PTPRT: variants seen among roughly 807,000 people sequenced by gnomAD.
PTPRT encodes the protein protein tyrosine phosphatase receptor type T, also known as receptor-type tyrosine-protein phosphatase T.
A neutral mutation model predicts 176.8 loss-of-function variants in PTPRT; 56 were observed. The ratio of observed to expected loss-of-function variants is 0.32; its 90% CI spans 0.26 to 0.40. The LOEUF (loss-of-function observed/expected upper bound fraction) is 0.40, where lower values mean the gene tolerates loss of function less well. Ranked by LOEUF, PTPRT falls within the 10% of genes least tolerant of loss-of-function variation. The pLI is 1.00. For missense variants in PTPRT, 1,540 were observed against 1,908.2 expected, an observed-to-expected ratio of 0.81 and a Z score of 3.60; for synonymous variants, 783 against 739.0, an observed-to-expected ratio of 1.06 and a Z score of -0.96.
At chr20:42,915,080 C>T (rs1033490547) in intron 1 of PTPRT, among the ~76,000 whole-genome samples, 4 of 152,008 alleles carry the variant, frequency 2.6e-5, no homozygotes, top group African/African-American at 4.8e-5. Flanking sequence ...AGGAAGCAGT[C>T]CCAACTTTGG....
chr20:42,177,054 T>C (rs925994766), intron 16 of PTPRT, among the ~76,000 whole-genome samples: 23 of 152,380 alleles, frequency 1.5e-4, no homozygotes, highest in Admixed American at 1.2e-3. Context: ...TAAATTATCT[T>C]GCACAATTAC....
At chr20:42,443,519 G>T (rs1297942694) in intron 9 of PTPRT, among the ~76,000 whole-genome samples, 1 of 152,244 alleles carries the variant, frequency 6.6e-6, no homozygotes, top group Non-Finnish European at 1.5e-5. Flanking sequence ...AAGATCTGAG[G>T]CCATGGTCTA....
chr20:42,128,709 C>G (rs576780482), intron 19 of PTPRT, 45 bp downstream of exon 19: 2 of 1,496,140 alleles, frequency 1.3e-6, no homozygotes, highest in Admixed American at 1.9e-5. Flanking sequence ...AGATCTTGAG[C>G]CTGCAAAAGC....
At chr20:43,123,152 C>G (rs915940516) in intron 1 of PTPRT, among the ~76,000 whole-genome samples, 1 of 152,184 alleles carries the variant, frequency 6.6e-6, no homozygotes, top group Non-Finnish European at 1.5e-5. Flanking sequence ...CTGCACCCGG[C>G]CCCCTGGTAT....
chr20:42,612,319 C>G (rs1170520649), intron 7 of PTPRT, among the ~76,000 whole-genome samples: 1 of 152,188 alleles, frequency 6.6e-6, no homozygotes, highest in Non-Finnish European at 1.5e-5. Flanking sequence ...TCAGCAAGAA[C>G]AGTTTACAAA....
intron 7 of PTPRT, among the ~76,000 whole-genome samples, chr20:42,489,123 TA>T (rs2071516311): frequency 6.6e-6 from 1 of 151,980 alleles, no homozygotes; most frequent in Non-Finnish European, 1.5e-5. Flanking sequence ...AATTATACTT[TA>T]AGTTTTAGGG....
chr20:42,316,972 T>C (rs1045277842), intron 11 of PTPRT, among the ~76,000 whole-genome samples: 3 of 152,224 alleles, frequency 2.0e-5, no homozygotes, highest in Non-Finnish European at 2.9e-5. Flanking sequence ...CTGGCTAGAT[T>C]GTGACCTTTT....
intron 3 of PTPRT, among the ~76,000 whole-genome samples, chr20:42,788,628 T>A (rs2077327461): frequency 6.6e-6 from 1 of 152,172 alleles, no homozygotes; most frequent in Non-Finnish European, 1.5e-5. Flanking sequence ...CCATTATATC[T>A]CATTATTTAC....
At chr20:42,737,462 C>T (rs1441260293) in intron 6 of PTPRT, among the ~76,000 whole-genome samples, 1 of 152,086 alleles carries the variant, frequency 6.6e-6, no homozygotes, top group East Asian at 1.9e-4. Flanking sequence ...TAAACCCCGT[C>T]TCTACTAAAA....
At chr20:42,032,763 T>G in the PTPRT span, among the ~76,000 whole-genome samples, 1 of 152,248 alleles carries the variant, frequency 6.6e-6, no homozygotes, top group African/African-American at 2.4e-5. Flanking sequence ...TCTCCTTCTC[T>G]CTCTCTCTCT....
At chr20:42,297,896 A>G (rs190840720) in intron 12 of PTPRT, among the ~76,000 whole-genome samples, 3 of 152,306 alleles carry the variant, frequency 2.0e-5, no homozygotes, top group East Asian at 1.9e-4. Flanking sequence ...AACTAAATAT[A>G]AAAATACTAA....
intron 16 of PTPRT, among the ~76,000 whole-genome samples, chr20:42,175,342 C>T (rs769485270): frequency 5.3e-5 from 8 of 152,146 alleles, no homozygotes; most frequent in African/African-American, 9.7e-5. Context: ...ACTGAATTCT[C>T]GCCCACCTGA....
intron 15 of PTPRT, among the ~76,000 whole-genome samples, chr20:42,224,596 G>A (rs2055962061): frequency 1.3e-5 from 2 of 152,152 alleles, no homozygotes; most frequent in African/African-American, 4.8e-5. Context: ...TGATAGCCCT[G>A]GATTCTCAAG....
intron 12 of PTPRT, among the ~76,000 whole-genome samples, chr20:42,290,232 G>A (rs2057296382): frequency 1.3e-5 from 2 of 152,058 alleles, no homozygotes; most frequent in Admixed American, 1.3e-4. Context: ...TTCCAGGTTT[G>A]TAATATATTC....
intron 1 of PTPRT, among the ~76,000 whole-genome samples, chr20:43,052,193 G>A (rs139446449): frequency 1.2e-4 from 19 of 152,314 alleles, no homozygotes; most frequent in African/African-American, 2.2e-4. Context: ...AGGTAAAAGC[G>A]ATTGCCTTTA....
chr20:42,713,338 T>G (rs1201929683), intron 6 of PTPRT, among the ~76,000 whole-genome samples: 2 of 152,200 alleles, frequency 1.3e-5, no homozygotes, highest in Admixed American at 6.5e-5. Flanking sequence ...TATTTTTAAC[T>G]GCTGCCAGCC....
downstream of PTPRT, among the ~76,000 whole-genome samples, chr20:42,070,175 T>G (rs1299482182): frequency 1.3e-5 from 2 of 152,064 alleles, no homozygotes; most frequent in African/African-American, 2.4e-5. Flanking sequence ...ATCCCTCTTC[T>G]TGCCTTCTGC....
chr20:43,161,420 A>G (rs1600760541), intron 1 of PTPRT, among the ~76,000 whole-genome samples: 1 of 152,216 alleles, frequency 6.6e-6, no homozygotes. Flanking sequence ...AAAAACACAG[A>G]TGATCCAATG....
intron 2 of PTPRT, among the ~76,000 whole-genome samples, chr20:42,797,763 T>C (rs35692160): frequency 0.41 from 62,172 of 151,790 alleles, 14,458 homozygotes; most frequent in East Asian, 0.53. Flanking sequence ...GTCCTTTAGG[T>C]AGACAAGGGG....
Sources: allele counts gnomAD v4.1 joint callset (sites outside exome capture counted in the v4.1 genomes callset), GRCh38; gene constraint gnomAD v4.1.1; transcripts MANE v1.5; gene names NCBI Gene and HGNC (gene_info 2026-07-23, HGNC 2026-07-21).